The following GPC5 variants were observed in gnomAD, a reference collection of about 807,000 sequenced individuals.
GPC5 encodes the protein glypican-5.
Under a neutral mutation model 53.9 loss-of-function variants are expected in GPC5, and 47 were observed. The ratio of observed to expected loss-of-function variants is 0.87; its 90% CI spans 0.69 to 1.11. The LOEUF (loss-of-function observed/expected upper bound fraction) is 1.11. GPC5 is among the 50% of genes most tolerant of loss of function. The pLI is 0.00. For synonymous variants in GPC5, 286 were observed against 263.3 expected (o/e 1.09, Z -0.84); for missense variants, 748 against 713.1 (o/e 1.05, Z -0.56).
chr13:92,725,944 A>G (rs1888633496), intron 7 of GPC5, among the ~76,000 whole-genome samples: 2 of 151,656 alleles, frequency 1.3e-5, no homozygotes, highest in Non-Finnish European at 3.0e-5. Context: ...ATGCTAGGTC[A>G]CAAGTGTTTC....
At chr13:92,589,466 C>G (rs1175574962) in intron 7 of GPC5, among the ~76,000 whole-genome samples, 1 of 152,070 alleles carries the variant, frequency 6.6e-6, no homozygotes, top group Admixed American at 6.6e-5. Flanking sequence ...TGGATCCTGC[C>G]CCATTATGCC....
At chr13:92,407,308 C>A (rs1247833572) in intron 7 of GPC5, among the ~76,000 whole-genome samples, 1 of 152,086 alleles carries the variant, frequency 6.6e-6, no homozygotes, top group Non-Finnish European at 1.5e-5. Context: ...TGGCTTCATT[C>A]CTTTCTTTAA....
chr13:92,219,347 T>C (rs1323893065), intron 7 of GPC5, among the ~76,000 whole-genome samples: 1 of 152,290 alleles, frequency 6.6e-6, no homozygotes, highest in East Asian at 1.9e-4. Context: ...CTTCCTACTA[T>C]AGTGTAGGGT....
chr13:92,739,209 C>T (rs1385377166), intron 7 of GPC5, among the ~76,000 whole-genome samples: 1 of 151,910 alleles, frequency 6.6e-6, no homozygotes, highest in Non-Finnish European at 1.5e-5. Context: ...AAAATAAATT[C>T]AAGATATTTC....
At chr13:92,767,060 G>T (rs1257972381) in intron 7 of GPC5, among the ~76,000 whole-genome samples, 2 of 152,196 alleles carry the variant, frequency 1.3e-5, no homozygotes, top group African/African-American at 4.8e-5. Flanking sequence ...ATCTGGTCAA[G>T]AATTGAATCA....
At chr13:92,552,975 T>G (rs1260913717) in intron 7 of GPC5, among the ~76,000 whole-genome samples, 3 of 151,944 alleles carry the variant, frequency 2.0e-5, no homozygotes, top group Non-Finnish European at 4.4e-5. Flanking sequence ...TCTGAAGGCT[T>G]TATTTATGAC....
chr13:92,197,406 C>A (rs1001980657), intron 7 of GPC5, among the ~76,000 whole-genome samples: 10 of 152,052 alleles, frequency 6.6e-5, no homozygotes, highest in Admixed American at 1.3e-4. Context: ...ATCTAGATAT[C>A]AGGAAGTAAA....
intron 6 of GPC5, among the ~76,000 whole-genome samples, chr13:91,943,135 A>G (rs2039943264): frequency 6.6e-6 from 1 of 152,124 alleles, no homozygotes. Flanking sequence ...ACTCAAGACA[A>G]TGATGAAAAT....
At chr13:92,728,024 T>G (rs1475835262) in intron 7 of GPC5, among the ~76,000 whole-genome samples, 1 of 151,474 alleles carries the variant, frequency 6.6e-6, no homozygotes, top group Non-Finnish European at 1.5e-5. Flanking sequence ...TTAATTGGTG[T>G]AACTTAACTC....
At chr13:92,096,234 G>A (rs984352738) in intron 6 of GPC5, among the ~76,000 whole-genome samples, 16 of 152,174 alleles carry the variant, frequency 1.1e-4, no homozygotes, top group African/African-American at 3.9e-4. Context: ...CCTAGTTGCC[G>A]ACTCCACTAA....
intron 7 of GPC5, among the ~76,000 whole-genome samples, chr13:92,156,243 C>T (rs529285846): frequency 4.3e-4 from 66 of 152,246 alleles, no homozygotes; most frequent in African/African-American, 1.3e-3. Context: ...GGAATCCCCT[C>T]ATCCTGAATG....
chr13:92,120,557 C>G (rs562127617), intron 6 of GPC5, among the ~76,000 whole-genome samples: 7 of 152,014 alleles, frequency 4.6e-5, no homozygotes, highest in Non-Finnish European at 8.8e-5. Context: ...AGCCTAATGA[C>G]TATTTTTGAA....
intron 7 of GPC5, among the ~76,000 whole-genome samples, chr13:92,370,699 A>G (rs1262780487): frequency 6.6e-6 from 1 of 152,230 alleles, no homozygotes; most frequent in Non-Finnish European, 1.5e-5. Flanking sequence ...CAACTACTGT[A>G]CATAGTACAT....
intron 7 of GPC5, among the ~76,000 whole-genome samples, chr13:92,443,744 G>T (rs752672226): frequency 9.9e-5 from 15 of 152,146 alleles, no homozygotes; most frequent in Non-Finnish European, 2.1e-4. Flanking sequence ...CAGTACAGAG[G>T]CAGCAAAAAG....
chr13:92,428,657 A>G (rs981492672), intron 7 of GPC5, among the ~76,000 whole-genome samples: 1 of 152,100 alleles, frequency 6.6e-6, no homozygotes, highest in African/African-American at 2.4e-5. Flanking sequence ...AGTTTACATT[A>G]TATTTTGTGC....
At chr13:91,414,780 T>A (rs928986266) in intron 1 of GPC5, among the ~76,000 whole-genome samples, 7 of 152,156 alleles carry the variant, frequency 4.6e-5, no homozygotes, top group Non-Finnish European at 8.8e-5. Context: ...GGTCATGAGT[T>A]TAAAAACTTC....
At chr13:92,184,904 G>A (rs886581768) in intron 7 of GPC5, among the ~76,000 whole-genome samples, 1 of 152,174 alleles carries the variant, frequency 6.6e-6, no homozygotes, top group Non-Finnish European at 1.5e-5. Flanking sequence ...GTCTAGTAAT[G>A]TGCCAGGGTT....
chr13:91,782,531 A>C (rs1416233467), intron 5 of GPC5, among the ~76,000 whole-genome samples: 1 of 152,110 alleles, frequency 6.6e-6, no homozygotes, highest in Non-Finnish European at 1.5e-5. Context: ...CACTATCATG[A>C]GAATAGCATG....
intron 7 of GPC5, among the ~76,000 whole-genome samples, chr13:92,740,952 A>ATG (rs1889071225): frequency 7.5e-6 from 1 of 133,042 alleles, no homozygotes; most frequent in Non-Finnish European, 1.6e-5. Context: ...GTGTATATAT[A>ATG]TGTATGTGTA....
Sources: allele counts gnomAD v4.1 joint callset (sites outside exome capture counted in the v4.1 genomes callset), GRCh38; gene constraint gnomAD v4.1.1; transcripts MANE v1.5; gene names NCBI Gene and HGNC (gene_info 2026-07-23, HGNC 2026-07-21).